The following GCHFR variants were observed in gnomAD, a reference collection of about 807,000 sequenced individuals.
GCHFR encodes GTP cyclohydrolase I feedback regulator, also known as GTP cyclohydrolase 1 feedback regulatory protein.
Under a neutral mutation model 10.6 loss-of-function variants are expected in GCHFR, and 12 were observed. That is an observed-to-expected ratio of 1.13 (90% confidence interval 0.72 to 1.83). The LOEUF is 1.83. Among genes scored for constraint, GCHFR ranks in the 40% most tolerant of loss-of-function variants. The pLI is 0.00. For missense variants in GCHFR, 116 were observed against 110.6 expected, an observed-to-expected ratio of 1.05 and a Z score of -0.22; for synonymous variants, 54 against 43.7, an observed-to-expected ratio of 1.24 and a Z score of -0.93.
intron 1 of GCHFR, chr15:40,764,693 A>C (rs1233162425): frequency 6.4e-6 from 1 of 156,352 alleles, no homozygotes; most frequent in African/African-American, 2.4e-5. Context: ...CTGCACCCTT[A>C]GGCACTTCCA....
rs1238828208 is a variant in GCHFR, at chr15:40,765,925, A to C, written c.131+4A>C. On this transcript the variant is annotated splice_donor_region_variant and intron_variant, in intron 2 of 2. Coordinates refer to ENST00000260447, the MANE Select transcript of GCHFR (RefSeq NM_005258.3). ...GAAGAGCCTTGGGAAACAACTTGTA[A>C]GTAGCAGCCTCCCTCAGTATCCTCT... 2 of 1,495,756 alleles carry C rather than the reference A, an allele frequency of 1.3e-6. No individual in the cohort carries two copies. Among genetic ancestry groups the C allele is most frequent in the African/African-American group, 1.4e-5 (1 of 72,332 alleles). 92.7% of individuals were successfully genotyped at this position (1,495,756 alleles called of 1,614,324 possible). A position where few individuals can be genotyped will look rare whatever the true frequency, so the allele number is the denominator to read the frequency against.
chr15:40,764,399 G>T, intron 1 of GCHFR, 183 bp downstream of exon 1: 1 of 485,678 alleles, frequency 2.1e-6, no homozygotes, highest in Non-Finnish European at 3.6e-6. Flanking sequence ...CCGGGACTCA[G>T]CGAGCTCTGG....
intron 2 of GCHFR, 114 bp from the exon 3 acceptor site, chr15:40,767,112 C>G: frequency 8.8e-7 from 1 of 1,136,160 alleles, no homozygotes; most frequent in Non-Finnish European, 1.2e-6. Context: ...CAGCAAGCAG[C>G]CAGCAAGTGT....
intron 1 of GCHFR, chr15:40,764,547 C>G: frequency 2.6e-6 from 1 of 380,556 alleles, no homozygotes; most frequent in African/African-American, 2.1e-5. Flanking sequence ...CGCGCAGCAC[C>G]TAGTGCCCTG....
At chr15:40,765,978 C>T (rs1888938563) in intron 2 of GCHFR, 57 bp downstream of exon 2, 1 of 855,390 alleles carries the variant, frequency 1.2e-6, no homozygotes, top group South Asian at 1.7e-5. Context: ...CCTGCCTCTG[C>T]TCCCTTTATA....
chr15:40,767,585 C>T lies in GCHFR; in HGVS notation c.*236C>T. The T allele has an allele frequency of 1.7e-6, 1 of 598,668 alleles. No individual in the cohort carries two copies. Among genetic ancestry groups the T allele is most frequent in the Non-Finnish European group, 2.8e-6 (1 of 358,124 alleles). The allele number at this position is 598,668 out of a possible 1,614,324, so 37.1% of individuals were successfully genotyped here. A position where few individuals can be genotyped will look rare whatever the true frequency, so the allele number is the denominator to read the frequency against. On this transcript the variant is annotated 3_prime_UTR_variant, in exon 3 of 3. Transcript: ENST00000260447. ...GCTGCCCTCCTGCTTCGGGCCTGGG[C>T]CGAGGGCCTTGTGTAGGCCATGTTC...
At chr15:40,767,111 G>A (rs1429210797) in intron 2 of GCHFR, 115 bp from the exon 3 acceptor site, 1 of 1,131,558 alleles carries the variant, frequency 8.8e-7, no homozygotes, top group African/African-American at 1.6e-5. Flanking sequence ...CCAGCAAGCA[G>A]CCAGCAAGTG....
In GCHFR at chr15:40,767,596, G is replaced by A. The variant is rs2141941980; in HGVS notation, c.*247G>A. On this transcript the variant is annotated 3_prime_UTR_variant, in exon 3 of 3. Transcript: ENST00000260447. ...GCTTCGGGCCTGGGCCGAGGGCCTT[G>A]TGTAGGCCATGTTCCTCGGGCAGCT... The A allele has an allele frequency of 1.7e-6, 1 of 593,040 alleles. No individual in the cohort carries two copies. The highest frequency in any genetic ancestry group is 2.8e-6 in the Non-Finnish European group (1 of 352,586). The allele number at this position is 593,040 out of a possible 1,614,324, so 36.7% of individuals were successfully genotyped here.
At chr15:40,765,745 G>T in intron 1 of GCHFR, 82 bp from the exon 2 acceptor site, 1 of 602,176 alleles carries the variant, frequency 1.7e-6, no homozygotes. Flanking sequence ...CTCAGGGCTA[G>T]CAGGCAGGGG....
At position 40,765,902 on chromosome 15, in the gene GCHFR, A is replaced by G; in HGVS notation, c.112A>G (p.Arg38Gly). ...GCAGCATCTGGGGGCTTCAAAGAGA[A>G]GAGCCTTGGGAAACAACTTGTAAGT... Reference protein sequence around the residue: ...LMQHLGASKRRALGNNFYEYY... With the variant: ...LMQHLGASKRGALGNNFYEYY... The change falls in exon 2 of 3, where the codon AGA (arginine) becomes GGA (glycine). Residue 38 changes from arginine (R) to glycine (G), a missense_variant. By Grantham distance (125) the Arg-to-Gly change is moderately radical. Transcript: ENST00000260447. 6.3e-7 allele frequency: 1 copy of G among 1,575,318 alleles called. No homozygotes were observed. Among genetic ancestry groups the G allele is most frequent in the Admixed American group, 1.7e-5 (1 of 57,746 alleles).
chr15:40,767,027 G>T, intron 2 of GCHFR, 199 bp from the exon 3 acceptor site: 1 of 440,518 alleles, frequency 2.3e-6, no homozygotes, highest in Non-Finnish European at 3.9e-6. Flanking sequence ...CTAGCTTGTT[G>T]GGAAGAATAA....
In GCHFR at chr15:40,767,563, G is replaced by A. The variant is rs949868004; in HGVS notation, c.*214G>A. On this transcript the variant is annotated 3_prime_UTR_variant, in exon 3 of 3. Coordinates refer to ENST00000260447, the MANE Select transcript of GCHFR (RefSeq NM_005258.3). ...GCCCGGTGCCCTGGTGCTCCCAGCT[G>A]CCCTCCTGCTTCGGGCCTGGGCCGA... 8.1e-6 allele frequency: 5 copies of A among 616,308 alleles called. No individual in the cohort carries two copies. The highest frequency in any genetic ancestry group is 1.3e-5 in the Non-Finnish European group (5 of 376,252). The allele number at this position is 616,308 out of a possible 1,614,324, so 38.2% of individuals were successfully genotyped here. A position where few individuals can be genotyped will look rare whatever the true frequency, so the allele number is the denominator to read the frequency against.
Position 40,764,147 on chromosome 15 carries a change from C to T in GCHFR, c.-34C>T, listed in dbSNP as rs749573159. The T allele has an allele frequency of 7.2e-6, 11 of 1,535,472 alleles. No individual in the cohort carries two copies. In the Admixed American group the frequency reaches 1.4e-4, roughly 19 times the overall value. ...GCTGGAGTCGGCGTCCAGCCTAGAG[C>T]CCCCGGTGGGAGCCAGGCCGGGACG... On this transcript the variant is annotated 5_prime_UTR_variant, in exon 1 of 3. Coordinates refer to ENST00000260447, the MANE Select transcript of GCHFR (RefSeq NM_005258.3).
rs747535300 is a variant in GCHFR at position 40,765,830 on chromosome 15, G to A, written c.40G>A (p.Val14Met). ...LLISTQIRME[V>M]GPTMVGDEQS... is the part of the protein sequence containing the mutation. ...GCCACTGTGGCTTACCTTGCAGGAG[G>A]TGGGCCCCACTATGGTGGGCGATGA... Residue 14 changes from valine to methionine, a missense_variant, in exon 2 of 3, where the codon GTG becomes ATG. Coordinates refer to ENST00000260447, the MANE Select transcript of GCHFR (RefSeq NM_005258.3). 2 of 1,549,020 alleles carry A rather than the reference G, an allele frequency of 1.3e-6. No individual in the cohort carries two copies. Among genetic ancestry groups the A allele is most frequent in the African/African-American group, 1.4e-5 (1 of 73,386 alleles).
intron 1 of GCHFR, chr15:40,764,559 A>C: frequency 3.1e-6 from 1 of 319,934 alleles, no homozygotes; most frequent in Non-Finnish European, 5.7e-6. Context: ...AGTGCCCTGC[A>C]CAGAGCCGCT....
At position 40,767,239 on chromosome 15, in the gene GCHFR, G is replaced by C; in HGVS notation, c.145G>C (p.Val49Leu). The change falls in exon 3 of 3, where the codon GTC becomes CTC. Residue 49 changes from valine to leucine, a missense_variant. Transcript: ENST00000260447. ...ALGNNFYEYYVDDPPRIVLDK... is the reference protein window; with the variant it reads ...ALGNNFYEYYLDDPPRIVLDK... ...GTCTCTTTGCAGTTATGAATACTAC[G>C]TCGATGACCCTCCCCGCATAGTCCT... 6.4e-7 allele frequency: 1 copy of C among 1,570,524 alleles called. No individual in the cohort carries two copies. Among genetic ancestry groups the C allele is most frequent in the South Asian group, 1.2e-5 (1 of 85,632 alleles).
chr15:40,765,784 C>A, intron 1 of GCHFR, 43 bp from the exon 2 acceptor site: 1 of 1,050,884 alleles, frequency 9.5e-7, no homozygotes. Flanking sequence ...CTTCCACCTC[C>A]TCCTGGCAGC....
chr15:40,764,389 C>A, intron 1 of GCHFR, 173 bp downstream of exon 1: 1 of 510,560 alleles, frequency 2.0e-6, no homozygotes, highest in South Asian at 3.3e-5. Context: ...AGCTCGGCTT[C>A]CGGGACTCAG....
Position 40,767,319 on chromosome 15 carries a change from G to C in GCHFR, c.225G>C (p.Gln75His). The change falls in exon 3 of 3, where the codon CAG becomes CAC. Residue 75 changes from glutamine to histidine, a missense_variant. Physicochemically the swap from Gln to His is conservative, Grantham distance 24 (BLOSUM62 0). Coordinates refer to ENST00000260447, the MANE Select transcript of GCHFR (RefSeq NM_005258.3). ...TGCTGAGCATGACGGGGGTGGGCCA[G>C]ACGCTGGTGTGGTGTCTGCACAAGG... ...FRVLSMTGVG[Q>H]TLVWCLHKE 1 of 1,603,718 alleles carries C rather than the reference G, an allele frequency of 6.2e-7. No homozygotes were observed. The highest frequency in any genetic ancestry group is 2.3e-5 in the East Asian group (1 of 43,694).
Sources: allele counts gnomAD v4.1 joint callset, GRCh38; gene constraint gnomAD v4.1.1; transcripts MANE v1.5; gene names NCBI Gene and HGNC (gene_info 2026-07-23, HGNC 2026-07-21).